Variants in SPATA9 observed in about 807,000 individuals in gnomAD.
The protein encoded by SPATA9 is spermatogenesis associated 9.
Under a neutral mutation model 25.5 loss-of-function variants are expected in SPATA9, and 27 were observed. The ratio of observed to expected loss-of-function variants is 1.06; its 90% CI spans 0.78 to 1.46. The LOEUF (loss-of-function observed/expected upper bound fraction) is 1.46. SPATA9 is among the 40% of genes most tolerant of loss of function. SPATA9 has a pLI of 0.00. For missense variants in SPATA9, 282 were observed against 297.5 expected (o/e 0.95, Z 0.38); for synonymous variants, 102 against 105.7 (o/e 0.97, Z 0.21).
chr5:95,674,731 TG>T (rs1227427896), intron 3 of SPATA9: 8 of 456,540 alleles, frequency 1.8e-5, no homozygotes, highest in African/African-American at 4.0e-5. Context: ...GGGTTGTTTA[TG>T]GGAGCTAATA....
intron 1 of SPATA9, chr5:95,698,587 C>T (rs1418092594): frequency 6.6e-6 from 1 of 152,176 alleles, no homozygotes; most frequent in African/African-American, 2.4e-5. Flanking sequence ...TCCTATCTTA[C>T]CTTTTCTCCT....
At chr5:95,719,721 G>A in the SPATA9 span, 3 of 152,256 alleles carry the variant, frequency 2.0e-5, no homozygotes, top group South Asian at 6.2e-4. Context: ...GATGATCCTT[G>A]TAGTTAATGC....
At chr5:95,663,817 A>T in intron 4 of SPATA9, 136 bp downstream of exon 4, 1 of 465,220 alleles carries the variant, frequency 2.1e-6, no homozygotes, top group Non-Finnish European at 3.6e-6. Context: ...GGAAATTTTT[A>T]ATATAAAATT....
At chr5:95,654,312 T>C (rs1172817190), downstream of SPATA9, 1 of 1,608,088 alleles carries the variant, frequency 6.2e-7, no homozygotes, top group African/African-American at 1.3e-5. Flanking sequence ...TGACTGCAGG[T>C]AATATTCAAT....
intron 1 of SPATA9, among the ~76,000 whole-genome samples, chr5:95,692,469 A>G (rs1197652935): frequency 2.0e-5 from 3 of 152,034 alleles, no homozygotes; most frequent in African/African-American, 7.2e-5. Flanking sequence ...GTTGCCACAG[A>G]ACTGCATTTA....
At chr5:95,676,908 C>T (rs1752993145) in intron 2 of SPATA9, among the ~76,000 whole-genome samples, 1 of 152,218 alleles carries the variant, frequency 6.6e-6, no homozygotes, top group Non-Finnish European at 1.5e-5. Context: ...GTCTTTTCTT[C>T]ACCTGTTCAG....
chr5:95,690,903 G>T (rs1212491459), intron 1 of SPATA9, among the ~76,000 whole-genome samples: 3 of 152,124 alleles, frequency 2.0e-5, no homozygotes, highest in Non-Finnish European at 4.4e-5. Flanking sequence ...TCTATATATA[G>T]TCAAATAAAA....
chr5:95,652,511 C>T, downstream of SPATA9: 1 of 781,676 alleles, frequency 1.3e-6, no homozygotes. Context: ...TGCAAAAATA[C>T]CATTCATTTC....
chr5:95,691,031 T>C (rs998807049), intron 1 of SPATA9, among the ~76,000 whole-genome samples: 4 of 152,034 alleles, frequency 2.6e-5, no homozygotes, highest in African/African-American at 9.7e-5. Context: ...AATTCATTTA[T>C]TGGTGAAACC....
chr5:95,714,200 A>C, the SPATA9 span, among the ~76,000 whole-genome samples: 2 of 152,186 alleles, frequency 1.3e-5, no homozygotes, highest in African/African-American at 2.4e-5. Flanking sequence ...ACTGGGGATG[A>C]CTAGGCAATT....
At chr5:95,683,229 A>T (rs1238331687), upstream of SPATA9, among the ~76,000 whole-genome samples, 1 of 152,210 alleles carries the variant, frequency 6.6e-6, no homozygotes, top group South Asian at 2.1e-4. Flanking sequence ...TTTGAAAAAA[A>T]ATGGCATGTG....
intron 3 of SPATA9, among the ~76,000 whole-genome samples, chr5:95,673,614 G>C (rs1752625216): frequency 6.6e-6 from 1 of 152,144 alleles, no homozygotes; most frequent in African/African-American, 2.4e-5. Flanking sequence ...AAAACTATAG[G>C]TTTGACAATG....
the SPATA9 span, chr5:95,731,475 G>T: frequency 8.2e-7 from 1 of 1,221,784 alleles, no homozygotes; most frequent in Non-Finnish European, 1.0e-6. Context: ...CTTATCCCCC[G>T]CCCGCTAGCC....
the SPATA9 span, among the ~76,000 whole-genome samples, chr5:95,724,771 T>C: frequency 1.3e-5 from 2 of 152,190 alleles, no homozygotes; most frequent in Non-Finnish European, 2.9e-5. Context: ...CCCCATTTTC[T>C]CTCCAGTAAA....
chr5:95,657,062 G>C (rs1406632778), downstream of SPATA9: 1 of 152,116 alleles, frequency 6.6e-6, no homozygotes, highest in Non-Finnish European at 1.5e-5. Context: ...AGCCATGAGA[G>C]ATGTAAAGTC....
At chr5:95,652,608 T>C (rs532831697), downstream of SPATA9, 361 of 339,434 alleles carry the variant, frequency 1.1e-3, 3 homozygotes, top group African/African-American at 6.8e-3. Flanking sequence ...TTTATTTTTC[T>C]GTAGCATCTT....
upstream of SPATA9, among the ~76,000 whole-genome samples, chr5:95,686,225 C>G (rs1261721047): frequency 2.0e-5 from 3 of 152,068 alleles, no homozygotes; most frequent in Non-Finnish European, 4.4e-5. Flanking sequence ...AATTCAGATA[C>G]CCAACATTCA....
chr5:95,725,269 ATGAT>A, the SPATA9 span, among the ~76,000 whole-genome samples: 3 of 152,266 alleles, frequency 2.0e-5, no homozygotes, highest in Non-Finnish European at 4.4e-5. Flanking sequence ...AATCTTACAA[ATGAT>A]GATGAATAAA....
the SPATA9 span, among the ~76,000 whole-genome samples, chr5:95,724,884 T>C: frequency 1.3e-5 from 2 of 152,150 alleles, no homozygotes; most frequent in African/African-American, 4.8e-5. Context: ...GTAAGTATAC[T>C]TAAGTATATA....
Sources: gnomAD v4.1 joint callset for allele counts (sites outside exome capture counted in the v4.1 genomes callset) on GRCh38, gnomAD v4.1.1 for gene constraint, MANE v1.5 for transcripts, NCBI Gene and HGNC (gene_info 2026-07-23, HGNC 2026-07-21) for gene names.